Variants in ADGRA1 observed in about 807,000 individuals in gnomAD.
The protein encoded by ADGRA1 is G-protein coupled receptor 123.
A neutral mutation model predicts 21.3 loss-of-function variants in ADGRA1; 12 were observed. The observed-to-expected ratio is 0.56, with a 90% CI of 0.36 to 0.91. The LOEUF (loss-of-function observed/expected upper bound fraction) is 0.91. Ranked by LOEUF, ADGRA1 falls within the 40% of genes least tolerant of loss-of-function variation. The pLI, the probability that ADGRA1 is intolerant of heterozygous loss-of-function variation, is 0.01. For missense variants in ADGRA1, 790 were observed against 805.6 expected (o/e 0.98, Z 0.23); for synonymous variants, 385 against 368.8 (o/e 1.04, Z -0.50).
At chr10:133,124,361 G>C (rs538291299) in intron 5 of ADGRA1, among the ~76,000 whole-genome samples, 1 of 152,186 alleles carries the variant, frequency 6.6e-6, no homozygotes, top group African/African-American at 2.4e-5. Context: ...CCTCTGGGTC[G>C]GGTTCATAGC....
chr10:133,121,681 CATGT>C (rs1251867009), intron 5 of ADGRA1, among the ~76,000 whole-genome samples: 2 of 128,338 alleles, frequency 1.6e-5, no homozygotes, highest in Non-Finnish European at 3.2e-5. Context: ...TGCATGTGTG[CATGT>C]GAGTGCCTGT....
At chr10:133,091,599 G>A (rs929320263) in intron 2 of ADGRA1, among the ~76,000 whole-genome samples, 5 of 152,190 alleles carry the variant, frequency 3.3e-5, no homozygotes, top group African/African-American at 9.7e-5. Context: ...GCTCTCAAAG[G>A]GGACTCAACC....
chr10:133,106,766 G>A (rs1207510161), intron 5 of ADGRA1, among the ~76,000 whole-genome samples: 4 of 152,236 alleles, frequency 2.6e-5, no homozygotes, highest in East Asian at 1.9e-4. Flanking sequence ...GAAGGCCATC[G>A]AGGCCAAAGA....
intron 5 of ADGRA1, among the ~76,000 whole-genome samples, chr10:133,107,145 T>C (rs1851908845): frequency 6.6e-6 from 1 of 152,224 alleles, no homozygotes; most frequent in Non-Finnish European, 1.5e-5. Flanking sequence ...AGATTGCTTA[T>C]TTGTTTGTGA....
In ADGRA1 at chr10:133,089,165, A is replaced by C. The variant is rs577430583; in HGVS notation, c.3+253A>C. 955 of 577,566 alleles carry C rather than the reference A, an allele frequency of 1.7e-3. 2 individuals carry two copies. The highest frequency in any genetic ancestry group is 2.1e-3 in the Non-Finnish European group (822 of 389,506). 35.8% of individuals were successfully genotyped at this position (577,566 alleles called of 1,614,324 possible). A position where few individuals can be genotyped will look rare whatever the true frequency, so the allele number is the denominator to read the frequency against. On this transcript the variant is annotated intron_variant, in intron 2 of 6. Transcript: ENST00000392607. ...AGTTGCAGGCATATGGCAATGTGGA[A>C]TCATTTAATCAATGGAGGCGACGTC... is the stretch of plus-strand genomic sequence containing the variant.
rs148452333 is a variant in ADGRA1, at chr10:133,113,201, C to T, written c.401+10359C>T. Among the ~76,000 whole-genome samples, 3 of 111,756 alleles carry T rather than the reference C, an allele frequency of 2.7e-5. No homozygotes were observed. The Admixed American group carries it at 3.0e-4, about 11-fold the overall frequency. 73.3% of individuals were successfully genotyped at this position (111,756 alleles called of 152,430 possible). On this transcript the variant is annotated intron_variant, in intron 5 of 6. Transcript: ENST00000392607. The stretch of plus-strand genomic sequence containing the variant: ...GTTATTTGAGGTCTGTAAGCCGCGT[C>T]GGTTATTTGAGGTCTGCGGGCCGCG...
chr10:133,109,946 G>C (rs898933567), intron 5 of ADGRA1, among the ~76,000 whole-genome samples: 1 of 152,174 alleles, frequency 6.6e-6, no homozygotes, highest in Non-Finnish European at 1.5e-5. Context: ...GGAAGGACTC[G>C]GGACTCAGCA....
intron 5 of ADGRA1, among the ~76,000 whole-genome samples, chr10:133,114,588 T>A (rs1852122177): frequency 6.6e-6 from 1 of 152,174 alleles, no homozygotes; most frequent in South Asian, 2.1e-4. Flanking sequence ...GGTTATCGAA[T>A]GCCGAGGAGC....
chr10:133,101,174 T>C (rs1851786370), intron 4 of ADGRA1, among the ~76,000 whole-genome samples: 1 of 152,178 alleles, frequency 6.6e-6, no homozygotes, highest in African/African-American at 2.4e-5. Context: ...TGCCTGCATA[T>C]GGGCCAGTGG....
At chr10:133,091,671 AC>A (rs1375930048) in intron 2 of ADGRA1, among the ~76,000 whole-genome samples, 1 of 152,110 alleles carries the variant, frequency 6.6e-6, no homozygotes, top group African/African-American at 2.4e-5. Flanking sequence ...TGTTTGCTGC[AC>A]CCTGCATGTT....
chr10:133,093,691 G>C (rs1035098568), intron 2 of ADGRA1, among the ~76,000 whole-genome samples: 2 of 152,204 alleles, frequency 1.3e-5, no homozygotes, highest in African/African-American at 4.8e-5. Context: ...TGGGTCCTCG[G>C]AACCGTGTTC....
At chr10:133,122,051 G>T (rs968223177) in intron 5 of ADGRA1, among the ~76,000 whole-genome samples, 114 of 152,170 alleles carry the variant, frequency 7.5e-4, no homozygotes, top group Non-Finnish European at 1.3e-3. Flanking sequence ...GAGTGGGGGG[G>T]CATGTACGTG....
intron 5 of ADGRA1, among the ~76,000 whole-genome samples, chr10:133,103,955 C>T (rs1019028328): frequency 1.3e-5 from 2 of 152,216 alleles, no homozygotes; most frequent in African/African-American, 4.8e-5. Context: ...GAGGCACCCC[C>T]GCCAGAGGCT....
At chr10:133,097,564 T>C (rs1293342212) in intron 3 of ADGRA1, among the ~76,000 whole-genome samples, 1 of 152,038 alleles carries the variant, frequency 6.6e-6, no homozygotes, top group Non-Finnish European at 1.5e-5. Context: ...GAGGCCAAGG[T>C]CGCCTCGGTC....
At chr10:133,113,285 G>C (rs945465028) in intron 5 of ADGRA1, among the ~76,000 whole-genome samples, 1 of 150,108 alleles carries the variant, frequency 6.7e-6, no homozygotes, top group Non-Finnish European at 1.5e-5. Flanking sequence ...GCCGTGTTTC[G>C]GTTTGGAAGT....
At chr10:133,093,255 A>T (rs765190635) in intron 2 of ADGRA1, 1 of 1,582,744 alleles carries the variant, frequency 6.3e-7, no homozygotes, top group East Asian at 2.3e-5. Context: ...ACTGCTGCAG[A>T]AAGGTTAAGT....
chr10:133,112,399 G>GTCGGTTATTTGGGGTCTACGGGCCA (rs1564850077), intron 5 of ADGRA1, among the ~76,000 whole-genome samples: 1 of 117,642 alleles, frequency 8.5e-6, no homozygotes, highest in Non-Finnish European at 1.7e-5. Flanking sequence ...TCTACGGGCC[G>GTCGGTTATTTGGGGTCTACGGGCCA]CGTCCGTTAT....
chr10:133,103,257 G>T (rs1298349798), intron 5 of ADGRA1, among the ~76,000 whole-genome samples: 1 of 152,200 alleles, frequency 6.6e-6, no homozygotes, highest in Non-Finnish European at 1.5e-5. Context: ...TCTATGCCCC[G>T]CAGGGCAGCC....
chr10:133,120,291 G>A (rs981277092), intron 5 of ADGRA1, among the ~76,000 whole-genome samples: 1 of 152,212 alleles, frequency 6.6e-6, no homozygotes, highest in Non-Finnish European at 1.5e-5. Context: ...TGTAATCCCA[G>A]CTGCTCGGGA....
Sources: allele counts gnomAD v4.1 joint callset (sites outside exome capture counted in the v4.1 genomes callset), GRCh38; gene constraint gnomAD v4.1.1; transcripts MANE v1.5; gene names NCBI Gene and HGNC (gene_info 2026-07-23, HGNC 2026-07-21).